Variants in GARS1 observed in about 807,000 individuals in gnomAD.
GARS1 encodes glycine--tRNA ligase.
GARS1 carries 46 observed loss-of-function variants against 86.4 expected under a neutral mutation model. The ratio of observed to expected loss-of-function variants is 0.53; its 90% CI spans 0.42 to 0.68. The LOEUF (loss-of-function observed/expected upper bound fraction) is 0.68, where lower values mean the gene tolerates loss of function less well. Among genes scored for constraint, GARS1 ranks in the 30% least tolerant of loss-of-function variants. The pLI, the probability that GARS1 is intolerant of heterozygous loss-of-function variation, is 0.00. For synonymous variants in GARS1, 342 were observed against 329.8 expected (o/e 1.04, Z -0.40); for missense variants, 797 against 915.6 (o/e 0.87, Z 1.67).
At chr7:30,599,848 T>C (rs1363393680) in intron 2 of GARS1, 99 bp from the exon 3 acceptor site, 1 of 784,276 alleles carries the variant, frequency 1.3e-6, no homozygotes, top group African/African-American at 1.7e-5. Context: ...TGATAAATTT[T>C]ATATTTAATT....
intron 10 of GARS1, among the ~76,000 whole-genome samples, chr7:30,618,655 T>C (rs974925340): frequency 1.3e-5 from 2 of 152,260 alleles, no homozygotes; most frequent in African/African-American, 4.8e-5. Flanking sequence ...CGAAAAAAGA[T>C]CATGCTTAGC....
chr7:30,631,673 A>G lies in GARS1; in HGVS notation c.1903+132A>G, dbSNP rs1315131853. ...TAAATGATTTTATAAAGAGTACATG[A>G]TTTTAGCCTGTACTCTTATTTCTAA... On this transcript the variant is annotated intron_variant, in intron 15 of 16. Coordinates refer to ENST00000389266, the MANE Select transcript of GARS1 (RefSeq NM_002047.4). 1.0e-5 allele frequency: 7 copies of G among 698,864 alleles called. No individual in the cohort carries two copies. The African/African-American group carries it at 1.1e-4, about 11-fold the overall frequency. The allele number at this position is 698,864 out of a possible 1,614,324, so 43.3% of individuals were successfully genotyped here. A position where few individuals can be genotyped will look rare whatever the true frequency, so the allele number is the denominator to read the frequency against.
At chr7:30,626,134 A>C (rs1783122441) in intron 12 of GARS1, 100 bp from the exon 13 acceptor site, 2 of 702,974 alleles carry the variant, frequency 2.8e-6, no homozygotes. Context: ...TGATCAAGTT[A>C]TAAAAAGAAA....
intron 6 of GARS1, 79 bp from the exon 7 acceptor site, chr7:30,609,506 C>G: frequency 8.0e-7 from 1 of 1,246,182 alleles, no homozygotes. Flanking sequence ...CAGTGGATGG[C>G]TAGGGTTATA....
intron 11 of GARS1, 52 bp downstream of exon 11, chr7:30,621,552 C>A: frequency 3.2e-6 from 4 of 1,269,802 alleles, no homozygotes; most frequent in Non-Finnish European, 4.6e-6. Context: ...GAACATCTTG[C>A]TAATGAATAA....
chr7:30,621,762 A>G, intron 11 of GARS1: 1 of 547,474 alleles, frequency 1.8e-6, no homozygotes, highest in Non-Finnish European at 3.2e-6. Flanking sequence ...TCAGAACGTT[A>G]ATAGTTTTTC....
intron 6 of GARS1, among the ~76,000 whole-genome samples, chr7:30,606,273 A>G (rs1169765232): frequency 7.2e-6 from 1 of 138,618 alleles, no homozygotes; most frequent in East Asian, 2.2e-4. Flanking sequence ...TGATGAGGGG[A>G]TTTCAAAATG....
chr7:30,599,999 A>T lies in GARS1; in HGVS notation c.377A>T (p.Asp126Val), dbSNP rs766540026. 6.2e-7 allele frequency: 1 copy of T among 1,614,066 alleles called. No individual in the cohort carries two copies. The highest frequency in any genetic ancestry group is 1.7e-5 in the Admixed American group (1 of 60,022). ...DDIVDRAKMEDTLKRRFFYDQ... is the reference protein window; with the variant it reads ...DDIVDRAKMEVTLKRRFFYDQ... ...ATTGTAGACCGAGCAAAAATGGAAG[A>T]TACCCTGAAGAGGAGGTTTTTCTAT... Residue 126 changes from aspartate to valine, a missense_variant, in exon 3 of 17, where the codon GAT becomes GTT. Transcript: ENST00000389266.
chr7:30,614,955 C>T (rs777601341), intron 8 of GARS1, among the ~76,000 whole-genome samples: 9 of 151,880 alleles, frequency 5.9e-5, no homozygotes, highest in Non-Finnish European at 1.2e-4. Context: ...TTACATTACT[C>T]GTAAAACATC....
intron 15 of GARS1, 28 bp downstream of exon 15, chr7:30,631,569 A>C (rs1193401150): frequency 7.1e-7 from 1 of 1,413,290 alleles, no homozygotes; most frequent in East Asian, 2.3e-5. Flanking sequence ...GGTAAACTCC[A>C]TGGGAACACC....
chr7:30,598,900 G>A lies in GARS1; in HGVS notation c.324+3G>A, dbSNP rs372776194. 10 of 1,609,366 alleles carry A rather than the reference G, an allele frequency of 6.2e-6. No homozygotes were observed. Among genetic ancestry groups the A allele is most frequent in the African/African-American group, 5.3e-5 (4 of 74,840 alleles). On this transcript the variant is annotated splice_donor_region_variant and intron_variant, in intron 2 of 16. Coordinates refer to ENST00000389266, the MANE Select transcript of GARS1 (RefSeq NM_002047.4). ...GCAAGAGGGTTCTGGAAGCAAAGGT[G>A]AGTCCTGGGATGCTAAAATAGGAAC...
At chr7:30,605,653 A>G (rs1220677316) in intron 6 of GARS1, among the ~76,000 whole-genome samples, 1 of 152,188 alleles carries the variant, frequency 6.6e-6, no homozygotes, top group Non-Finnish European at 1.5e-5. Flanking sequence ...AAGTGCTAGG[A>G]TTACACATGT....
chr7:30,616,075 A>G lies in GARS1; in HGVS notation c.1194+17A>G. On this transcript the variant is annotated intron_variant, in intron 9 of 16. Coordinates refer to ENST00000389266, the MANE Select transcript of GARS1 (RefSeq NM_002047.4). ...GTTGAACAGGTAGGATTCTGGAGGT[A>G]ACTTAACTTAGATTGTGCCTGTTCA... 3.1e-6 allele frequency: 5 copies of G among 1,614,010 alleles called. No individual in the cohort carries two copies. The highest frequency in any genetic ancestry group is 3.4e-6 in the Non-Finnish European group (4 of 1,179,922).
At chr7:30,617,371 G>A in intron 10 of GARS1, 93 bp downstream of exon 10, 1 of 1,387,676 alleles carries the variant, frequency 7.2e-7, no homozygotes, top group African/African-American at 1.4e-5. Flanking sequence ...TGTCACAGAG[G>A]AACAAAGGGA....
chr7:30,597,684 T>G (rs1791282320), intron 1 of GARS1, among the ~76,000 whole-genome samples: 1 of 152,190 alleles, frequency 6.6e-6, no homozygotes, highest in Admixed American at 6.5e-5. Flanking sequence ...CACATATTTT[T>G]AAAATGCTTA....
Position 30,630,908 on chromosome 7 carries a change from T to C in GARS1, c.1810-540T>C, listed in dbSNP as rs189580281. Reference sequence around the variant, plus strand: ...AGTGTAGGTATATGGAACATCTTTTTTTGTTTTGTACTATTTCTTTTGGAC... The same window carrying C: ...AGTGTAGGTATATGGAACATCTTTTCTTGTTTTGTACTATTTCTTTTGGAC... On this transcript the variant is annotated intron_variant, in intron 14 of 16. Transcript: ENST00000389266. Among the ~76,000 whole-genome samples, 9 of 152,328 alleles carry C rather than the reference T, an allele frequency of 5.9e-5. No individual in the cohort carries two copies. In the East Asian group the frequency reaches 1.7e-3, roughly 29 times the overall value.
At chr7:30,614,805 G>A (rs943102800) in intron 8 of GARS1, among the ~76,000 whole-genome samples, 4 of 151,682 alleles carry the variant, frequency 2.6e-5, no homozygotes, top group South Asian at 2.1e-4. Context: ...GAACCCGGGA[G>A]GCGGAGCTTG....
At chr7:30,617,819 T>C (rs1448546596) in intron 10 of GARS1, among the ~76,000 whole-genome samples, 3 of 152,120 alleles carry the variant, frequency 2.0e-5, no homozygotes, top group Non-Finnish European at 4.4e-5. Flanking sequence ...CCCTCCAGCC[T>C]CCACCACCAA....
chr7:30,612,055 ATTTC>A (rs776730140), intron 7 of GARS1, 37 bp from the exon 8 acceptor site: 1 of 1,564,602 alleles, frequency 6.4e-7, no homozygotes, highest in East Asian at 2.2e-5. Context: ...GGAAAACATA[ATTTC>A]TTTCTTTGTA....
Sources: allele counts gnomAD v4.1 joint callset (sites outside exome capture counted in the v4.1 genomes callset), GRCh38; gene constraint gnomAD v4.1.1; transcripts MANE v1.5; gene names NCBI Gene and HGNC (gene_info 2026-07-23, HGNC 2026-07-21).